The following TSPEAR variants were observed in gnomAD, a reference collection of about 807,000 sequenced individuals.
The protein encoded by TSPEAR is thrombospondin type laminin G domain and EAR repeats.
Under a neutral mutation model 71.6 loss-of-function variants are expected in TSPEAR, and 69 were observed. The ratio of observed to expected loss-of-function variants is 0.96; its 90% CI spans 0.79 to 1.18. TSPEAR has a LOEUF of 1.18. Among genes scored for constraint, TSPEAR ranks in the 50% most tolerant of loss-of-function variants. The pLI, the probability that TSPEAR is intolerant of heterozygous loss-of-function variation, is 0.00. For missense variants in TSPEAR, 971 were observed against 894.9 expected, an observed-to-expected ratio of 1.09 and a Z score of -1.09; for synonymous variants, 402 against 387.2, an observed-to-expected ratio of 1.04 and a Z score of -0.45.
At chr21:44,571,379 C>T (rs181329969) in intron 1 of TSPEAR, among the ~76,000 whole-genome samples, 117 of 152,354 alleles carry the variant, frequency 7.7e-4, no homozygotes, top group Non-Finnish European at 7.6e-4. Flanking sequence ...CCAGATAACA[C>T]TAGTCTGGAA....
At chr21:44,677,663 TG>T in intron 1 of TSPEAR, 1 of 1,338,912 alleles carries the variant, frequency 7.5e-7, no homozygotes, top group East Asian at 2.3e-5. Context: ...CTGTATCACC[TG>T]CGGTTGCTGA....
chr21:44,644,047 C>T (rs868972516), intron 1 of TSPEAR, among the ~76,000 whole-genome samples: 2 of 152,238 alleles, frequency 1.3e-5, no homozygotes, highest in Middle Eastern at 3.2e-3. Context: ...GCCCTCCAGA[C>T]TCACATCCCC....
intron 2 of TSPEAR, among the ~76,000 whole-genome samples, chr21:44,538,527 T>C (rs2053136348): frequency 6.6e-6 from 1 of 151,894 alleles, no homozygotes; most frequent in South Asian, 2.1e-4. Flanking sequence ...TCGAGTCCCT[T>C]GTCTCCTGCG....
At chr21:44,670,454 G>A (rs183857719) in intron 1 of TSPEAR, among the ~76,000 whole-genome samples, 19 of 152,256 alleles carry the variant, frequency 1.2e-4, no homozygotes, top group South Asian at 2.1e-4. Flanking sequence ...GCAAAGAAGC[G>A]ACAGGAAATA....
At chr21:44,557,906 G>A (rs1183789685) in intron 2 of TSPEAR, 7 of 973,904 alleles carry the variant, frequency 7.2e-6, no homozygotes, top group Middle Eastern at 6.1e-4. Context: ...CATGCCTGGA[G>A]GGAATCGGCA....
intron 4 of TSPEAR, 34 bp from the exon 5 acceptor site, chr21:44,529,988 G>T: frequency 6.5e-7 from 1 of 1,530,048 alleles, no homozygotes; most frequent in East Asian, 2.3e-5. Flanking sequence ...TCAGGCCCGC[G>T]CTGCTGGGGA....
intron 11 of TSPEAR, among the ~76,000 whole-genome samples, chr21:44,503,434 G>C (rs2052096467): frequency 7.4e-6 from 1 of 135,824 alleles, no homozygotes; most frequent in African/African-American, 2.8e-5. Flanking sequence ...GCCCTCGGGG[G>C]GAAGCAAGGC....
chr21:44,657,889 G>C, intron 1 of TSPEAR: 2 of 1,275,892 alleles, frequency 1.6e-6, no homozygotes, highest in Non-Finnish European at 2.2e-6. Flanking sequence ...GTGTTACCCA[G>C]ATGACAGGAC....
chr21:44,614,165 C>A (rs1460968521), intron 1 of TSPEAR, among the ~76,000 whole-genome samples: 3 of 152,180 alleles, frequency 2.0e-5, no homozygotes, highest in African/African-American at 7.2e-5. Flanking sequence ...GCATCAAGCC[C>A]CCCGCCCACT....
chr21:44,525,842 G>A lies in TSPEAR; in HGVS notation c.1150-3C>T, dbSNP rs2145971010. 1 of 1,614,022 alleles carries A rather than the reference G, an allele frequency of 6.2e-7. No homozygotes were observed. Among genetic ancestry groups the A allele is most frequent in the African/African-American group, 1.3e-5 (1 of 75,050 alleles). ...AAATTAGCCACTGCCAGGAAGATCT[G>A]AAAGAGAGTAAACCGGGACCACGTG... On this transcript the variant is annotated splice_region_variant and splice_polypyrimidine_tract_variant and intron_variant, in intron 7 of 11. Transcript: ENST00000323084.
chr21:44,522,079 T>G lies in TSPEAR; in HGVS notation c.1370A>C (p.Lys457Thr). The change falls in exon 9 of 12, where the codon AAG becomes ACG. Residue 457 changes from lysine (K) to threonine (T), a missense_variant. Coordinates refer to ENST00000323084, the MANE Select transcript of TSPEAR (RefSeq NM_144991.3). ...GAAGAGCCGGGTTGCCGGGTTCCAC[T>G]TGTAGATGACACTGTCGATGTTGTG... ...DNHNIDSVIYKWNPATRLFEA... is the reference protein window; with the variant it reads ...DNHNIDSVIYTWNPATRLFEA... The G allele has an allele frequency of 6.2e-7, 1 of 1,614,062 alleles. No homozygotes were observed. The highest frequency in any genetic ancestry group is 8.5e-7 in the Non-Finnish European group (1 of 1,179,996).
intron 9 of TSPEAR, among the ~76,000 whole-genome samples, chr21:44,511,224 A>G (rs2052363999): frequency 6.7e-6 from 1 of 149,158 alleles, no homozygotes; most frequent in Admixed American, 6.7e-5. Context: ...ACATGCCTGC[A>G]CACACCTGCA....
At chr21:44,557,437 C>T (rs2053550527) in intron 2 of TSPEAR, among the ~76,000 whole-genome samples, 1 of 151,962 alleles carries the variant, frequency 6.6e-6, no homozygotes, top group Admixed American at 6.6e-5. Context: ...AAATGTCTTC[C>T]AGGAATGAGA....
At chr21:44,519,006 T>C in intron 9 of TSPEAR, 1 of 186,416 alleles carries the variant, frequency 5.4e-6, no homozygotes, top group Non-Finnish European at 1.1e-5. Flanking sequence ...TCGTTGCTGC[T>C]CGATGTCACC....
chr21:44,507,473 G>A (rs2052230538), intron 10 of TSPEAR, among the ~76,000 whole-genome samples: 1 of 152,140 alleles, frequency 6.6e-6, no homozygotes, highest in Admixed American at 6.5e-5. Flanking sequence ...AGGGCTAGGA[G>A]TTTGACTTGT....
chr21:44,701,848 CT>C (rs1555951573), intron 1 of TSPEAR, among the ~76,000 whole-genome samples: 1 of 152,118 alleles, frequency 6.6e-6, no homozygotes, highest in Non-Finnish European at 1.5e-5. Context: ...TTGGGACCCC[CT>C]GCTATAGAAC....
intron 1 of TSPEAR, chr21:44,580,078 G>T: frequency 6.2e-7 from 1 of 1,613,788 alleles, no homozygotes; most frequent in South Asian, 1.1e-5. Context: ...ACTGCTGGCA[G>T]GGGGAGGAGG....
chr21:44,674,957 G>T (rs1176671972), intron 1 of TSPEAR, among the ~76,000 whole-genome samples: 3 of 151,552 alleles, frequency 2.0e-5, no homozygotes, highest in African/African-American at 7.3e-5. Flanking sequence ...GCAAAGAAGA[G>T]CCCAGGCCTG....
chr21:44,553,347 AT>A (rs1555919371), intron 2 of TSPEAR, among the ~76,000 whole-genome samples: 17 of 151,988 alleles, frequency 1.1e-4, no homozygotes, highest in Non-Finnish European at 1.0e-4. Flanking sequence ...GATTCTAAAA[AT>A]AAAAAATGTT....
Sources: gnomAD v4.1 joint callset for allele counts (sites outside exome capture counted in the v4.1 genomes callset) on GRCh38, gnomAD v4.1.1 for gene constraint, MANE v1.5 for transcripts, NCBI Gene and HGNC (gene_info 2026-07-23, HGNC 2026-07-21) for gene names.